Variants in GRM8 observed in about 807,000 individuals in gnomAD.
The protein encoded by GRM8 is glutamate metabotropic receptor 8, also known as metabotropic glutamate receptor 8.
A neutral mutation model predicts 87.2 loss-of-function variants in GRM8; 47 were observed. That is an observed-to-expected ratio of 0.54 (90% confidence interval 0.43 to 0.69). The LOEUF (loss-of-function observed/expected upper bound fraction) is 0.69, where lower values mean the gene tolerates loss of function less well. Ranked by LOEUF, GRM8 falls within the 30% of genes least tolerant of loss-of-function variation. The pLI is 0.00. For missense variants in GRM8, 1,019 were observed against 1,139.2 expected (o/e 0.89, Z 1.52); for synonymous variants, 396 against 404.5 (o/e 0.98, Z 0.25).
chr7:126,626,302 A>AC (rs1158462381), intron 7 of GRM8, among the ~76,000 whole-genome samples: 2 of 152,028 alleles, frequency 1.3e-5, no homozygotes, highest in Non-Finnish European at 2.9e-5. Flanking sequence ...TCTCTTTTGT[A>AC]CCCCCAAGTC....
chr7:126,782,016 A>T (rs1667147316), intron 6 of GRM8, among the ~76,000 whole-genome samples: 1 of 152,176 alleles, frequency 6.6e-6, no homozygotes, highest in Admixed American at 6.6e-5. Flanking sequence ...ACCCAGCCAT[A>T]TCTGCTTTTT....
At chr7:127,190,427 C>A (rs1329609938) in intron 2 of GRM8, among the ~76,000 whole-genome samples, 1 of 151,962 alleles carries the variant, frequency 6.6e-6, no homozygotes, top group Non-Finnish European at 1.5e-5. Context: ...ACCTGTAGTC[C>A]CAGCTACTCA....
At chr7:127,229,491 T>TA (rs1161012576) in intron 2 of GRM8, 31 of 152,102 alleles carry the variant, frequency 2.0e-4, no homozygotes, top group Admixed American at 2.0e-3. Context: ...CTATCCAAAC[T>TA]AAAAAATGAA....
At chr7:127,186,068 AG>A (rs1395443462) in intron 2 of GRM8, among the ~76,000 whole-genome samples, 1 of 152,174 alleles carries the variant, frequency 6.6e-6, no homozygotes, top group Non-Finnish European at 1.5e-5. Context: ...AAACAAAAAG[AG>A]CTTTAGGACA....
At chr7:126,780,221 C>T (rs553247667) in intron 6 of GRM8, among the ~76,000 whole-genome samples, 1 of 152,260 alleles carries the variant, frequency 6.6e-6, no homozygotes, top group East Asian at 1.9e-4. Flanking sequence ...AGGTTCAAAT[C>T]TCAATACCAC....
intron 7 of GRM8, among the ~76,000 whole-genome samples, chr7:126,741,991 C>T (rs532995080): frequency 6.6e-6 from 1 of 152,018 alleles, no homozygotes; most frequent in Non-Finnish European, 1.5e-5. Flanking sequence ...TTCCAGGACA[C>T]CTACCCCCCA....
At chr7:126,519,150 G>A (rs575889183) in intron 9 of GRM8, among the ~76,000 whole-genome samples, 2 of 152,134 alleles carry the variant, frequency 1.3e-5, no homozygotes, top group South Asian at 4.1e-4. Flanking sequence ...TGGGAAGAAT[G>A]CACAAGAATT....
rs1286922348 is a variant in GRM8, at chr7:126,533,414, T to C, written c.1968A>G (p.Gly656=). 2.5e-6 allele frequency: 4 copies of C among 1,613,802 alleles called. No individual in the cohort carries two copies. ...IICSFRRVFL[G]LGMCFSYAAL... is the part of the protein sequence containing the mutation. ...CTGCATAGCTGAAACACATGCCAAGTCCTAGGAAGACCCGTCGGAAGGAGC... is the reference window on the plus strand; with the variant it reads ...CTGCATAGCTGAAACACATGCCAAGCCCTAGGAAGACCCGTCGGAAGGAGC... The change falls in exon 9 of 11, where the codon GGA becomes GGG. Residue 656 remains glycine, a synonymous_variant. Coordinates refer to ENST00000339582, the MANE Select transcript of GRM8 (RefSeq NM_000845.3).
intron 9 of GRM8, among the ~76,000 whole-genome samples, chr7:126,484,067 C>A (rs1807066034): frequency 6.6e-6 from 1 of 151,966 alleles, no homozygotes. Flanking sequence ...ATTTATAAAG[C>A]ATTTAGTTAC....
At chr7:126,477,589 A>AAGAAAG (rs1563051089) in intron 9 of GRM8, among the ~76,000 whole-genome samples, 11 of 86,050 alleles carry the variant, frequency 1.3e-4, no homozygotes, top group African/African-American at 6.3e-4. Context: ...GAGAGAAAGA[A>AAGAAAG]AGAAAGAAAG....
chr7:127,222,117 T>G (rs1796969277), intron 2 of GRM8, among the ~76,000 whole-genome samples: 1 of 152,170 alleles, frequency 6.6e-6, no homozygotes, highest in Admixed American at 6.5e-5. Flanking sequence ...ATTACAGCAT[T>G]AACATCACCA....
At chr7:126,940,070 C>A (rs1806748291) in intron 3 of GRM8, among the ~76,000 whole-genome samples, 1 of 152,176 alleles carries the variant, frequency 6.6e-6, no homozygotes, top group Non-Finnish European at 1.5e-5. Flanking sequence ...TATCTTTCAC[C>A]TGTAACATGA....
At chr7:127,159,503 T>C (rs1315700291) in intron 2 of GRM8, among the ~76,000 whole-genome samples, 2 of 152,098 alleles carry the variant, frequency 1.3e-5, no homozygotes, top group Non-Finnish European at 2.9e-5. Flanking sequence ...TGCAGCATGA[T>C]TTCAACACAG....
rs1159736614 is a variant in GRM8, at chr7:126,857,625, C to A, written c.1156+44917G>T. 2.0e-5 allele frequency among the ~76,000 whole-genome samples: 3 copies of A among 152,142 alleles called. No individual in the cohort carries two copies. In the East Asian group the frequency reaches 5.8e-4, roughly 29 times the overall value. On this transcript the variant is annotated intron_variant, in intron 6 of 10. Transcript: ENST00000339582. ...GTGTCAGGTGAGACGAACTGCCTAC[C>A]CAGGTCTTCTTTACTTCTCTGTCTT...
At chr7:126,638,645 T>C (rs996519635) in intron 7 of GRM8, among the ~76,000 whole-genome samples, 2 of 152,152 alleles carry the variant, frequency 1.3e-5, no homozygotes, top group African/African-American at 4.8e-5. Context: ...GCCAGCAGGA[T>C]AAAAAGCAAT....
At chr7:126,905,241 G>A (rs552467153) in intron 3 of GRM8, among the ~76,000 whole-genome samples, 7 of 152,310 alleles carry the variant, frequency 4.6e-5, no homozygotes, top group African/African-American at 1.7e-4. Context: ...AAACCCCAAA[G>A]ATGCCAACTT....
intron 9 of GRM8, among the ~76,000 whole-genome samples, chr7:126,485,219 G>T (rs1304092534): frequency 6.6e-6 from 1 of 152,012 alleles, no homozygotes; most frequent in Non-Finnish European, 1.5e-5. Flanking sequence ...AGACAAAATG[G>T]ACACAGAATC....
At chr7:126,764,083 ATCTT>A (rs769374678) in intron 7 of GRM8, among the ~76,000 whole-genome samples, 5 of 151,956 alleles carry the variant, frequency 3.3e-5, no homozygotes, top group Admixed American at 6.6e-5. Flanking sequence ...GTTACATTTT[ATCTT>A]TCTAATATAA....
chr7:126,616,869 T>C (rs1799554923), intron 7 of GRM8, among the ~76,000 whole-genome samples: 1 of 152,146 alleles, frequency 6.6e-6, no homozygotes, highest in Admixed American at 6.6e-5. Context: ...GGCTCTGAAA[T>C]TGAGGCAATA....
Sources: gnomAD v4.1 joint callset for allele counts (sites outside exome capture counted in the v4.1 genomes callset) on GRCh38, gnomAD v4.1.1 for gene constraint, MANE v1.5 for transcripts, NCBI Gene and HGNC (gene_info 2026-07-23, HGNC 2026-07-21) for gene names.